The following ANKRD36C variants were observed in gnomAD, a reference collection of about 807,000 sequenced individuals.
ANKRD36C encodes ankyrin repeat domain 36C.
A neutral mutation model predicts 276.4 loss-of-function variants in ANKRD36C; 61 were observed. The observed-to-expected ratio is 0.22, with a 90% confidence interval of 0.18 to 0.27. The LOEUF (loss-of-function observed/expected upper bound fraction) is 0.27, where lower values mean the gene tolerates loss of function less well. ANKRD36C is among the 10% of genes least tolerant of loss of function. The pLI, the probability that ANKRD36C is intolerant of heterozygous loss-of-function variation, is 1.00. For missense variants in ANKRD36C, 1,447 were observed against 2,032.3 expected, an observed-to-expected ratio of 0.71 and a Z score of 5.54; for synonymous variants, 483 against 680.1, an observed-to-expected ratio of 0.71 and a Z score of 4.51.
intron 6 of ANKRD36C, among the ~76,000 whole-genome samples, chr2:95,966,693 C>A (rs1283132639): frequency 6.6e-6 from 1 of 151,324 alleles, no homozygotes; most frequent in Non-Finnish European, 1.5e-5. Context: ...TTTTCTAATT[C>A]TGTGAAGAAA....
At chr2:95,967,449 C>T (rs774117179) in intron 6 of ANKRD36C, among the ~76,000 whole-genome samples, 24 of 152,184 alleles carry the variant, frequency 1.6e-4, no homozygotes, top group Non-Finnish European at 2.8e-4. Context: ...TACCATCTCA[C>T]GCCATTTAGA....
At chr2:95,922,917 A>G (rs1291521963) in intron 32 of ANKRD36C, among the ~76,000 whole-genome samples, 1 of 151,664 alleles carries the variant, frequency 6.6e-6, no homozygotes, top group Non-Finnish European at 1.5e-5. Context: ...CCAAAATCAA[A>G]TCTTTTTTGT....
intron 24 of ANKRD36C, among the ~76,000 whole-genome samples, chr2:95,931,125 C>G (rs971175830): frequency 6.6e-6 from 1 of 151,646 alleles, no homozygotes; most frequent in Non-Finnish European, 1.5e-5. Flanking sequence ...TTATTTTCAC[C>G]ACCACTGTAT....
At chr2:95,852,154 T>C (rs1303078077) in exon 65 of ANKRD36C, 1 of 1,608,714 alleles carries the variant, frequency 6.2e-7, no homozygotes, top group African/African-American at 1.3e-5. Context: ...ATCTCCTTAG[T>C]ACATCTTATA....
At chr2:95,929,318 T>A in intron 24 of ANKRD36C, 51 bp from the exon 25 acceptor site, 1 of 1,580,862 alleles carries the variant, frequency 6.3e-7, no homozygotes, top group Non-Finnish European at 8.5e-7. Context: ...ATGATAATGT[T>A]ATCCATACAT....
chr2:95,976,262 A>T (rs926366595), intron 6 of ANKRD36C, among the ~76,000 whole-genome samples: 9 of 152,246 alleles, frequency 5.9e-5, no homozygotes, highest in Non-Finnish European at 1.2e-4. Flanking sequence ...CATTTGACCC[A>T]GCCATCCCAT....
At chr2:95,856,400 C>T (rs1373102047) in intron 62 of ANKRD36C, among the ~76,000 whole-genome samples, 1 of 151,586 alleles carries the variant, frequency 6.6e-6, no homozygotes. Flanking sequence ...TCCATGAAAG[C>T]AAAAAAGAAA....
chr2:95,951,682 C>T (rs1014050747), intron 14 of ANKRD36C, among the ~76,000 whole-genome samples: 3 of 152,306 alleles, frequency 2.0e-5, no homozygotes, highest in Admixed American at 6.5e-5. Context: ...TTTTATTAAC[C>T]ACAACAAACT....
intron 28 of ANKRD36C, 65 bp from the exon 29 acceptor site, chr2:95,925,612 T>C (rs1478339970): frequency 2.1e-6 from 3 of 1,459,304 alleles, no homozygotes; most frequent in African/African-American, 1.4e-5. Context: ...CACACATTCA[T>C]GCAGTGTTAG....
rs572651608 is a variant in ANKRD36C, at chr2:95,918,787, C to T, written c.2246-745G>A. 2.8e-4 allele frequency among the ~76,000 whole-genome samples: 43 copies of T among 151,070 alleles called. No individual in the cohort carries two copies. In the South Asian group the frequency reaches 8.0e-3, roughly 28 times the overall value. Reference sequence around the variant, plus strand: ...TTCTACAAAGTAAACCTGCAGCAAGCGTTAGATATTGAGCAGTTTTTCATT... The same window carrying T: ...TTCTACAAAGTAAACCTGCAGCAAGTGTTAGATATTGAGCAGTTTTTCATT... On this transcript the variant is annotated intron_variant, in intron 34 of 66. Coordinates refer to ENST00000456556, the Ensembl canonical transcript of ANKRD36C.
chr2:95,959,356 C>T (rs1412748483), intron 10 of ANKRD36C, among the ~76,000 whole-genome samples: 73 of 152,114 alleles, frequency 4.8e-4, no homozygotes, highest in Non-Finnish European at 9.7e-4. Context: ...TATAATATTC[C>T]TTATTTCTCA....
intron 12 of ANKRD36C, among the ~76,000 whole-genome samples, 177 bp from the exon 13 acceptor site, chr2:95,956,993 T>G (rs1678342597): frequency 6.6e-6 from 1 of 151,310 alleles, no homozygotes; most frequent in African/African-American, 2.4e-5. Context: ...ACAGAAACAC[T>G]CTATCTTTAT....
intron 59 of ANKRD36C, among the ~76,000 whole-genome samples, chr2:95,870,295 C>T (rs1317814451): frequency 3.3e-5 from 5 of 152,048 alleles, no homozygotes; most frequent in Non-Finnish European, 5.9e-5. Flanking sequence ...CTCACACAGC[C>T]GGGTACTCCT....
intron 36 of ANKRD36C, among the ~76,000 whole-genome samples, chr2:95,917,243 G>C (rs1218275841): frequency 6.6e-6 from 1 of 151,558 alleles, no homozygotes; most frequent in Non-Finnish European, 1.5e-5. Flanking sequence ...CCTGCTTCCA[G>C]TAGTTCCTGG....
intron 3 of ANKRD36C, among the ~76,000 whole-genome samples, chr2:95,982,619 T>C (rs1470399956): frequency 9.1e-6 from 1 of 109,564 alleles, no homozygotes; most frequent in African/African-American, 3.6e-5. Flanking sequence ...AATCTTTGCT[T>C]CTGTCCCAGC....
chr2:95,985,959 G>C (rs561560727), intron 3 of ANKRD36C, among the ~76,000 whole-genome samples: 3 of 152,012 alleles, frequency 2.0e-5, no homozygotes, highest in South Asian at 4.2e-4. Context: ...ATTGAATAAT[G>C]TCCATTAATT....
At chr2:95,885,689 A>C (rs994806253) in intron 52 of ANKRD36C, among the ~76,000 whole-genome samples, 1 of 151,940 alleles carries the variant, frequency 6.6e-6, no homozygotes, top group African/African-American at 2.4e-5. Flanking sequence ...CGTTTATAAC[A>C]ATATGATCTG....
At chr2:95,949,457 C>T (rs1204504988) in intron 16 of ANKRD36C, among the ~76,000 whole-genome samples, 4 of 152,048 alleles carry the variant, frequency 2.6e-5, no homozygotes, top group Non-Finnish European at 5.9e-5. Context: ...TTCTGGATCC[C>T]TCTTCAGCAG....
chr2:95,918,314 A>G (rs1386102852), intron 34 of ANKRD36C, among the ~76,000 whole-genome samples: 1 of 151,658 alleles, frequency 6.6e-6, no homozygotes, highest in East Asian at 2.0e-4. Context: ...CTCAATGTGG[A>G]TATGCCGAGT....
Sources: allele counts gnomAD v4.1 joint callset (sites outside exome capture counted in the v4.1 genomes callset), GRCh38; gene constraint gnomAD v4.1.1; transcripts MANE v1.5; gene names NCBI Gene and HGNC (gene_info 2026-07-23, HGNC 2026-07-21).